SERAC1: variants seen among roughly 807,000 people sequenced by gnomAD.
The protein encoded by SERAC1 is protein SERAC1.
In SERAC1, 36 loss-of-function variants were observed where a neutral mutation model predicts 85.7. The ratio of observed to expected loss-of-function variants is 0.42; its 90% CI spans 0.32 to 0.55. The LOEUF is 0.55. Among genes scored for constraint, SERAC1 ranks in the 20% least tolerant of loss-of-function variants. The probability of loss-of-function intolerance (pLI) is 0.11; values close to 1 mark genes in which losing one functional copy is unlikely to be tolerated. For missense variants in SERAC1, 629 were observed against 796.2 expected (o/e 0.79, Z 2.53); for synonymous variants, 242 against 265.3 (o/e 0.91, Z 0.85).
intron 2 of SERAC1, among the ~76,000 whole-genome samples, chr6:158,155,698 A>T (rs1785313262): frequency 6.6e-6 from 1 of 152,200 alleles, no homozygotes; most frequent in Non-Finnish European, 1.5e-5. Flanking sequence ...TTTAGTTAAC[A>T]ACCCATTAAA....
chr6:158,163,522 G>GT (rs1305722448), intron 1 of SERAC1, among the ~76,000 whole-genome samples: 1 of 152,174 alleles, frequency 6.6e-6, no homozygotes, highest in Non-Finnish European at 1.5e-5. Context: ...GCACATGCCT[G>GT]TAATACCAGC....
At chr6:158,147,712 G>A (rs1239353523) in intron 5 of SERAC1, among the ~76,000 whole-genome samples, 2 of 132,898 alleles carry the variant, frequency 1.5e-5, no homozygotes, top group East Asian at 4.9e-4. Context: ...AGAGCTTGCA[G>A]TGAGCAGAGA....
intron 5 of SERAC1, 90 bp downstream of exon 5, chr6:158,148,775 G>T: frequency 1.1e-6 from 1 of 908,988 alleles, no homozygotes; most frequent in Non-Finnish European, 1.7e-6. Flanking sequence ...AAAAATATTA[G>T]TATAAGAAAT....
At position 158,113,468 on chromosome 6, in the gene SERAC1, C is replaced by T; in HGVS notation, c.1809G>A (p.Val603=). The T allele has an allele frequency of 1.2e-6, 2 of 1,613,540 alleles. No homozygotes were observed. Among genetic ancestry groups the T allele is most frequent in the South Asian group, 1.1e-5 (1 of 91,000 alleles). ...GAATACCTGCTGATTCCACAGGTAC[C>T]ACATGGAGCTTAATCATGCTGCCAA... is the stretch of plus-strand genomic sequence containing the variant. ...TYIGSMIKLH[V]VPVESADLGI... Residue 603 remains valine, a synonymous_variant, in exon 16 of 17, where the codon GTG becomes GTA. Transcript: ENST00000647468.
chr6:158,164,313 A>G (rs1340178693), intron 1 of SERAC1, among the ~76,000 whole-genome samples: 2 of 151,888 alleles, frequency 1.3e-5, no homozygotes. Context: ...ATCTCTACTA[A>G]AAATTCAAAA....
rs545385163 is a variant in SERAC1 at position 158,167,442 on chromosome 6, G to A, written c.-2+698C>T. On this transcript the variant is annotated intron_variant, in intron 1 of 16. Transcript: ENST00000647468. ...AATCCCAGTTACTAGGGAGAATGAG[G>A]CAGGATAATTGCTTGAACCCAGGAG... Among the ~76,000 whole-genome samples the A allele has an allele frequency of 5.5e-4, 82 of 149,980 alleles. No homozygotes were observed. In the South Asian group the frequency reaches 9.2e-3, roughly 17 times the overall value.
chr6:158,156,824 TTAATA>T (rs1235876477), intron 2 of SERAC1, among the ~76,000 whole-genome samples: 36 of 137,716 alleles, frequency 2.6e-4, no homozygotes, highest in African/African-American at 9.1e-4. Context: ...ATATAATATA[TTAATA>T]TATTATATAA....
At chr6:158,158,026 A>C (rs1785397151) in intron 2 of SERAC1, among the ~76,000 whole-genome samples, 1 of 152,224 alleles carries the variant, frequency 6.6e-6, no homozygotes. Context: ...ATGCAGTTAT[A>C]TTTAAGTTTA....
intron 8 of SERAC1, among the ~76,000 whole-genome samples, chr6:158,138,583 G>A (rs969520608): frequency 2.0e-5 from 3 of 152,032 alleles, no homozygotes; most frequent in African/African-American, 4.8e-5. Flanking sequence ...CAGGAGCTCC[G>A]ACATGGGGGT....
chr6:158,124,582 T>G (rs185251164), intron 10 of SERAC1, among the ~76,000 whole-genome samples: 2 of 152,128 alleles, frequency 1.3e-5, no homozygotes, highest in African/African-American at 4.8e-5. Context: ...AGGATAAATA[T>G]GACACCTAGG....
intron 9 of SERAC1, among the ~76,000 whole-genome samples, chr6:158,129,090 G>C (rs1204661705): frequency 6.6e-6 from 1 of 152,140 alleles, no homozygotes; most frequent in Non-Finnish European, 1.5e-5. Flanking sequence ...TGTATATCAA[G>C]TGAGATCTGC....
At chr6:158,142,942 A>C in intron 8 of SERAC1, 114 bp downstream of exon 8, 1 of 812,940 alleles carries the variant, frequency 1.2e-6, no homozygotes, top group Middle Eastern at 2.4e-4. Flanking sequence ...GGCATGACAC[A>C]CAACCAGAAG....
chr6:158,125,058 C>A (rs1003300499), intron 10 of SERAC1, among the ~76,000 whole-genome samples: 1 of 152,146 alleles, frequency 6.6e-6, no homozygotes, highest in Non-Finnish European at 1.5e-5. Context: ...TTAAATGTCA[C>A]ACGACTGTTC....
At position 158,120,808 on chromosome 6, in the gene SERAC1, A is replaced by T. The variant is rs1462463864; in HGVS notation, c.1016-233T>A. Among the ~76,000 whole-genome samples, 1 of 152,196 alleles carries T rather than the reference A, an allele frequency of 6.6e-6. No homozygotes were observed. The highest frequency in any genetic ancestry group is 2.4e-5 in the African/African-American group (1 of 41,448). On this transcript the variant is annotated intron_variant, in intron 10 of 16. Transcript: ENST00000647468. The surrounding 1 kb of genome is among the most constrained non-coding windows in gnomAD (Gnocchi z 4.4). ...TCAAAGAAGGAAAGAGGGGTTGAAG[A>T]GCCATTTTCTTTATTTAGAAAGCCT...
intron 3 of SERAC1, among the ~76,000 whole-genome samples, chr6:158,152,513 C>G (rs1433634570): frequency 2.0e-5 from 3 of 150,734 alleles, no homozygotes; most frequent in African/African-American, 7.3e-5. Context: ...AAGACTCCAT[C>G]TCCGAAAAAA....
At chr6:158,144,108 T>C (rs185102158) in intron 7 of SERAC1, among the ~76,000 whole-genome samples, 191 bp downstream of exon 7, 186 of 152,246 alleles carry the variant, frequency 1.2e-3, no homozygotes, top group African/African-American at 4.4e-3. Flanking sequence ...GAAAATAATA[T>C]AGAAGGAACA....
At chr6:158,149,831 T>C (rs1432358600) in intron 4 of SERAC1, among the ~76,000 whole-genome samples, 1 of 152,162 alleles carries the variant, frequency 6.6e-6, no homozygotes, top group Non-Finnish European at 1.5e-5. Context: ...TAGCTAACAG[T>C]GTATGAACAG....
At chr6:158,156,168 A>G (rs2128424110) in intron 2 of SERAC1, among the ~76,000 whole-genome samples, 1 of 152,300 alleles carries the variant, frequency 6.6e-6, no homozygotes, top group African/African-American at 2.4e-5. Context: ...AAATAAAATA[A>G]AATACAGATT....
At chr6:158,158,249 A>G (rs760688511) in intron 2 of SERAC1, 24 bp downstream of exon 2, 1 of 1,530,694 alleles carries the variant, frequency 6.5e-7, no homozygotes, top group Non-Finnish European at 9.0e-7. Flanking sequence ...ATAAGAAAAT[A>G]AGAGTTGTTT....
Sources: gnomAD v4.1 joint callset for allele counts (sites outside exome capture counted in the v4.1 genomes callset) on GRCh38, gnomAD v4.1.1 for gene constraint, Gnocchi (gnomAD v3.1) non-coding constraint, MANE v1.5 for transcripts, NCBI Gene and HGNC (gene_info 2026-07-23, HGNC 2026-07-21) for gene names.